The following EXOC5 variants were observed in gnomAD, a reference collection of about 807,000 sequenced individuals.
EXOC5 encodes SEC10-like 1.
In EXOC5, 17 loss-of-function variants were observed where a neutral mutation model predicts 90.8. The observed-to-expected ratio is 0.19, with a 90% confidence interval of 0.13 to 0.28. The LOEUF (loss-of-function observed/expected upper bound fraction) is 0.28, where lower values mean the gene tolerates loss of function less well. EXOC5 is among the 10% of genes least tolerant of loss of function. The probability of loss-of-function intolerance (pLI) is 1.00; values close to 1 mark genes in which losing one functional copy is unlikely to be tolerated. For synonymous variants in EXOC5, 260 were observed against 270.0 expected (o/e 0.96, Z 0.36); for missense variants, 569 against 830.6 (o/e 0.69, Z 3.87).
At chr14:57,259,178 C>T (rs1884429683) in intron 1 of EXOC5, among the ~76,000 whole-genome samples, 1 of 151,778 alleles carries the variant, frequency 6.6e-6, no homozygotes, top group African/African-American at 2.4e-5. Context: ...GGTACAATCT[C>T]GGCTCCGCCT....
At chr14:57,237,650 C>T (rs576432392) in intron 5 of EXOC5, 4 of 289,798 alleles carry the variant, frequency 1.4e-5, no homozygotes, top group Non-Finnish European at 2.6e-5. Flanking sequence ...CATTGAAAAT[C>T]AATTCTCTTT....
rs917412550 is a variant in EXOC5 at position 57,204,571 on chromosome 14, CAT to C, written c.*4036_*4037del. 21 of 152,484 alleles carry C rather than the reference CAT, an allele frequency of 1.4e-4. No individual in the cohort carries two copies. Among genetic ancestry groups the C allele is most frequent in the African/African-American group, 4.6e-4 (19 of 41,440 alleles). The allele number at this position is 152,484 out of a possible 1,614,324, so 9.4% of individuals were successfully genotyped here. A position where few individuals can be genotyped will look rare whatever the true frequency, so the allele number is the denominator to read the frequency against. ...TTGAACATAAAAACACTGATTTCTT[CAT>C]ATCTTCCAAGGTAGAGTTGTCATTT... is the stretch of plus-strand genomic sequence containing the variant. On this transcript the variant is annotated 3_prime_UTR_variant, in exon 18 of 18. Transcript: ENST00000621441.
At chr14:57,221,358 G>A (rs1207408304) in intron 13 of EXOC5, among the ~76,000 whole-genome samples, 1 of 152,158 alleles carries the variant, frequency 6.6e-6, no homozygotes, top group African/African-American at 2.4e-5. Flanking sequence ...ACAGTTTGCT[G>A]TTGTTTTCCC....
At chr14:57,252,092 G>A (rs1884213635) in intron 1 of EXOC5, among the ~76,000 whole-genome samples, 1 of 152,048 alleles carries the variant, frequency 6.6e-6, no homozygotes, top group African/African-American at 2.4e-5. Context: ...GAAAAGCCCT[G>A]GAACTCATGC....
chr14:57,248,142 G>C (rs1884083428), intron 1 of EXOC5, among the ~76,000 whole-genome samples: 1 of 150,432 alleles, frequency 6.6e-6, no homozygotes. Flanking sequence ...AGGATAAACT[G>C]AAATTTATAC....
intron 1 of EXOC5, among the ~76,000 whole-genome samples, chr14:57,258,714 A>G (rs1225291081): frequency 6.6e-6 from 1 of 152,202 alleles, no homozygotes; most frequent in African/African-American, 2.4e-5. Context: ...TTTCTACTGA[A>G]AAATCTCTTG....
chr14:57,216,724 T>C (rs186652471), intron 15 of EXOC5, among the ~76,000 whole-genome samples: 1 of 152,200 alleles, frequency 6.6e-6, no homozygotes, highest in Non-Finnish European at 1.5e-5. Flanking sequence ...TTGACATTGA[T>C]GTTGGCAATG....
rs1327267688 is a variant in EXOC5, at chr14:57,268,669, G to GC, written c.-22dup. 4.4e-6 allele frequency: 7 copies of GC among 1,576,218 alleles called. No homozygotes were observed. Among genetic ancestry groups the GC allele is most frequent in the South Asian group, 2.3e-5 (2 of 87,536 alleles). The stretch of plus-strand genomic sequence containing the variant: ...GCCATCCCGGCCGGCTGAGAGGCTC[G>GC]CCCCCCACTGGATGCCGTCTCCGCT... On this transcript the variant is annotated 5_prime_UTR_variant, in exon 1 of 18. Coordinates refer to ENST00000621441, the MANE Select transcript of EXOC5 (RefSeq NM_006544.4).
intron 1 of EXOC5, among the ~76,000 whole-genome samples, chr14:57,260,814 C>T (rs571444663): frequency 1.0e-3 from 156 of 152,210 alleles, no homozygotes; most frequent in African/African-American, 3.6e-3. Context: ...ATATTTTTCC[C>T]ACTCTATTAT....
In EXOC5 at chr14:57,238,383, C is replaced by T. The variant is rs1053892761; in HGVS notation, c.531-1017G>A. ...ATATATATATATATATATACACACA[C>T]ACACACACACACACACACACACACA... On this transcript the variant is annotated intron_variant, in intron 5 of 17. Coordinates refer to ENST00000621441, the MANE Select transcript of EXOC5 (RefSeq NM_006544.4). Among the ~76,000 whole-genome samples, 93 of 142,314 alleles carry T rather than the reference C, an allele frequency of 6.5e-4. 1 individual carries two copies. Among genetic ancestry groups the T allele is most frequent in the Non-Finnish European group, 1.1e-3 (73 of 64,384 alleles). The allele number at this position is 142,314 out of a possible 152,430, so 93.4% of individuals were successfully genotyped here.
Position 57,268,776 on chromosome 14 carries a change from C to A in EXOC5, c.-128G>T. On this transcript the variant is annotated 5_prime_UTR_variant, in exon 1 of 18. Transcript: ENST00000621441. ...CGGCTCCGGGCCGCTGCGGGCTCCCCAGCTCCCCACAGATCCCAGGAGGGG... is the reference window on the plus strand; with the variant it reads ...CGGCTCCGGGCCGCTGCGGGCTCCCAAGCTCCCCACAGATCCCAGGAGGGG... The A allele has an allele frequency of 6.9e-7, 1 of 1,443,326 alleles. No homozygotes were observed. 89.4% of individuals were successfully genotyped at this position (1,443,326 alleles called of 1,614,324 possible). A position where few individuals can be genotyped will look rare whatever the true frequency, so the allele number is the denominator to read the frequency against.
chr14:57,225,103 A>T (rs1380685477), intron 12 of EXOC5, among the ~76,000 whole-genome samples: 2 of 152,190 alleles, frequency 1.3e-5, no homozygotes, highest in Non-Finnish European at 2.9e-5. Flanking sequence ...ACAGATGTTA[A>T]AATTCTTTAC....
Position 57,206,422 on chromosome 14 carries a change from T to C in EXOC5, c.*2187A>G, listed in dbSNP as rs1472165886. On this transcript the variant is annotated 3_prime_UTR_variant, in exon 18 of 18. Transcript: ENST00000621441. ...TCAGAGAAAGACCATCTGTTTAGGATAAATTTCTAGTCTTGTTTATATAGT... is the reference window on the plus strand; with the variant it reads ...TCAGAGAAAGACCATCTGTTTAGGACAAATTTCTAGTCTTGTTTATATAGT... 1 of 153,176 alleles carries C rather than the reference T, an allele frequency of 6.5e-6. No homozygotes were observed. Among genetic ancestry groups the C allele is most frequent in the Admixed American group, 6.5e-5 (1 of 15,354 alleles). 9.5% of individuals were successfully genotyped at this position (153,176 alleles called of 1,614,324 possible).
chr14:57,245,987 T>G (rs892459662), intron 3 of EXOC5, among the ~76,000 whole-genome samples: 2 of 151,484 alleles, frequency 1.3e-5, no homozygotes, highest in Non-Finnish European at 2.9e-5. Context: ...GAGGTGGAGG[T>G]TGCAGTGAGC....
chr14:57,260,518 T>A (rs1884470499), intron 1 of EXOC5, among the ~76,000 whole-genome samples: 1 of 152,170 alleles, frequency 6.6e-6, no homozygotes, highest in Non-Finnish European at 1.5e-5. Context: ...ACAAAATATT[T>A]TAGATTCTCT....
At position 57,268,672 on chromosome 14, in the gene EXOC5, C is replaced by G; in HGVS notation, c.-24G>C. 6.3e-7 allele frequency: 1 copy of G among 1,577,652 alleles called. No homozygotes were observed. The highest frequency in any genetic ancestry group is 2.0e-4 in the Middle Eastern group (1 of 4,916). On this transcript the variant is annotated 5_prime_UTR_variant, in exon 1 of 18. Transcript: ENST00000621441. ...ATCCCGGCCGGCTGAGAGGCTCGCC[C>G]CCCACTGGATGCCGTCTCCGCTTCA...
At chr14:57,217,576 A>G (rs768127617) in intron 15 of EXOC5, among the ~76,000 whole-genome samples, 9 of 151,806 alleles carry the variant, frequency 5.9e-5, no homozygotes, top group Non-Finnish European at 1.3e-4. Flanking sequence ...TGTTCTGACT[A>G]CTCCAGATAA....
At chr14:57,266,426 T>A (rs1188872888) in intron 1 of EXOC5, among the ~76,000 whole-genome samples, 1 of 152,210 alleles carries the variant, frequency 6.6e-6, no homozygotes, top group South Asian at 2.1e-4. Flanking sequence ...GCTGGATTCA[T>A]AGCAGTACCA....
At chr14:57,264,558 C>G (rs71414152) in intron 1 of EXOC5, among the ~76,000 whole-genome samples, 3,696 of 152,034 alleles carry the variant, frequency 0.024, 52 homozygotes, top group Non-Finnish European at 0.04. Context: ...AAAATTAAAC[C>G]CCGATTTACC....
Sources: gnomAD v4.1 joint callset for allele counts (sites outside exome capture counted in the v4.1 genomes callset) on GRCh38, gnomAD v4.1.1 for gene constraint, MANE v1.5 for transcripts, NCBI Gene and HGNC (gene_info 2026-07-23, HGNC 2026-07-21) for gene names.